The following GPCPD1 variants were observed in gnomAD, a reference collection of about 807,000 sequenced individuals.
GPCPD1 encodes glycerophosphocholine phosphodiesterase 1.
GPCPD1 carries 29 observed loss-of-function variants against 89.2 expected under a neutral mutation model. The observed-to-expected ratio is 0.33, with a 90% CI of 0.24 to 0.44. The LOEUF (loss-of-function observed/expected upper bound fraction) is 0.44. Ranked by LOEUF, GPCPD1 falls within the 20% of genes least tolerant of loss-of-function variation. The pLI is 1.00. For missense variants in GPCPD1, 594 were observed against 808.9 expected (o/e 0.73, Z 3.22); for synonymous variants, 258 against 266.3 (o/e 0.97, Z 0.30).
At chr20:5,572,525 AGTTCAT>A in intron 11 of GPCPD1, among the ~76,000 whole-genome samples, 1 of 152,348 alleles carries the variant, frequency 6.6e-6, no homozygotes, top group South Asian at 2.1e-4. Context: ...AATAGATGTT[AGTTCAT>A]ATAAGTAATA....
chr20:5,602,929 G>A (rs1364885972), intron 2 of GPCPD1, among the ~76,000 whole-genome samples: 1 of 150,552 alleles, frequency 6.6e-6, no homozygotes, highest in Non-Finnish European at 1.5e-5. Context: ...GTTGCAGTGA[G>A]CCGAGATCGC....
intron 6 of GPCPD1, 31 bp downstream of exon 6, chr20:5,584,250 G>A (rs750859227): frequency 9.7e-7 from 1 of 1,035,818 alleles, no homozygotes; most frequent in South Asian, 1.3e-5. Context: ...AATCATTTCA[G>A]TAAACATTTA....
At chr20:5,579,743 A>G (rs1978332980) in intron 7 of GPCPD1, among the ~76,000 whole-genome samples, 1 of 152,252 alleles carries the variant, frequency 6.6e-6, no homozygotes, top group African/African-American at 2.4e-5. Flanking sequence ...GAAAATTTAA[A>G]TAGAAACTAT....
chr20:5,587,883 T>C (rs1979038589), intron 4 of GPCPD1, among the ~76,000 whole-genome samples: 1 of 152,208 alleles, frequency 6.6e-6, no homozygotes, highest in Non-Finnish European at 1.5e-5. Context: ...CCAGGCTAAA[T>C]TCTTTTCTGA....
chr20:5,558,601 G>C, intron 18 of GPCPD1, 83 bp downstream of exon 18: 1 of 791,280 alleles, frequency 1.3e-6, no homozygotes, highest in Non-Finnish European at 2.0e-6. Context: ...AACATTAGAT[G>C]GGTAAAGTAA....
chr20:5,565,028 A>G lies in GPCPD1; in HGVS notation c.1318T>C (p.Ser440Pro), dbSNP rs1179308282. 1 of 1,502,306 alleles carries G rather than the reference A, an allele frequency of 6.7e-7. No individual in the cohort carries two copies. The highest frequency in any genetic ancestry group is 2.3e-5 in the East Asian group (1 of 44,310). 93.1% of individuals were successfully genotyped at this position (1,502,306 alleles called of 1,614,324 possible). A position where few individuals can be genotyped will look rare whatever the true frequency, so the allele number is the denominator to read the frequency against. ...NSFSENQPFP[S>P]LKMVLESLPE... ...CCTCAATAACTTACCATCTTAAGAG[A>G]AGGAAATGGCTGATTTTCTGAAAAG... Residue 440 changes from serine to proline, a missense_variant, in exon 15 of 20, where the codon TCT (serine) becomes CCT (proline). Transcript: ENST00000379019.
intron 1 of GPCPD1, among the ~76,000 whole-genome samples, chr20:5,605,053 T>A (rs1374754519): frequency 3.9e-5 from 6 of 151,916 alleles, no homozygotes; most frequent in Admixed American, 3.9e-4. Context: ...AATTTCAGAG[T>A]CCTTATATAA....
At chr20:5,582,539 AAC>A (rs1164053479) in intron 6 of GPCPD1, among the ~76,000 whole-genome samples, 1 of 152,174 alleles carries the variant, frequency 6.6e-6, no homozygotes. Context: ...AGTCAGTACA[AAC>A]ACAATTCCGC....
chr20:5,548,405 A>G (rs969997046), intron 19 of GPCPD1: 12 of 152,344 alleles, frequency 7.9e-5, no homozygotes, highest in African/African-American at 2.9e-4. Context: ...ACAGCCAGGC[A>G]ACTATGTAAG....
chr20:5,561,425 CAT>C, intron 16 of GPCPD1, 38 bp downstream of exon 16: 1 of 1,091,684 alleles, frequency 9.2e-7, no homozygotes, highest in Non-Finnish European at 1.4e-6. Flanking sequence ...TTTAGATAGG[CAT>C]AGAGAGTATA....
Position 5,566,799 on chromosome 20 carries a change from T to C in GPCPD1, c.1228-27A>G, listed in dbSNP as rs369988804. The C allele has an allele frequency of 2.9e-5, 44 of 1,500,574 alleles. 1 individual carries two copies. The highest frequency in any genetic ancestry group is 3.4e-5 in the South Asian group (3 of 88,694). 93.0% of individuals were successfully genotyped at this position (1,500,574 alleles called of 1,614,324 possible). ...TAGAAAGCACACAAACAAAATGAAA[T>C]CAGAAAGGAAGCCTTAGCTTATGAA... On this transcript the variant is annotated intron_variant, in intron 13 of 19. Coordinates refer to ENST00000379019, the MANE Select transcript of GPCPD1 (RefSeq NM_019593.5).
chr20:5,604,774 T>TATACACAC (rs1555811051), intron 1 of GPCPD1, among the ~76,000 whole-genome samples: 1 of 139,072 alleles, frequency 7.2e-6, no homozygotes, highest in Non-Finnish European at 1.5e-5. Context: ...GCCTCATGTC[T>TATACACAC]ACACACACAC....
At chr20:5,577,471 G>A (rs1237542898) in intron 8 of GPCPD1, among the ~76,000 whole-genome samples, 20 of 140,866 alleles carry the variant, frequency 1.4e-4, no homozygotes, top group African/African-American at 4.6e-4. Flanking sequence ...CTGCGCAACA[G>A]AGCAAGACCC....
intron 6 of GPCPD1, among the ~76,000 whole-genome samples, chr20:5,580,737 A>AG (rs1293912154): frequency 2.4e-4 from 37 of 151,938 alleles, no homozygotes; most frequent in African/African-American, 8.7e-4. Context: ...CAAAAAAAAA[A>AG]AAAAAGAAAA....
chr20:5,591,916 T>C (rs551017356), intron 4 of GPCPD1, among the ~76,000 whole-genome samples: 1 of 152,200 alleles, frequency 6.6e-6, no homozygotes. Flanking sequence ...CACCAACACA[T>C]ACTGTAAACT....
chr20:5,580,248 A>G, intron 6 of GPCPD1, 117 bp from the exon 7 acceptor site: 1 of 551,794 alleles, frequency 1.8e-6, no homozygotes, highest in Non-Finnish European at 3.3e-6. Flanking sequence ...TTTAACCTCC[A>G]AAGGAAATAC....
intron 19 of GPCPD1, among the ~76,000 whole-genome samples, chr20:5,557,004 C>A (rs1202637781): frequency 6.6e-6 from 1 of 152,212 alleles, no homozygotes. Context: ...TATTTGAAAT[C>A]AGTTATTCAA....
In GPCPD1 at chr20:5,552,608, C is replaced by T. The variant is rs74522678; in HGVS notation, c.1830-4758G>A. ...ACAAAAATACACATATAACCATATA[C>T]ATTCAAAAATTTGCTAAAGCCAGTA... On this transcript the variant is annotated intron_variant, in intron 19 of 19. Transcript: ENST00000379019. Among the ~76,000 whole-genome samples, 376 of 152,290 alleles carry T rather than the reference C, an allele frequency of 2.5e-3. 8 individuals carry two copies. The highest frequency in any genetic ancestry group is 0.024 in the East Asian group (126 of 5,188).
At chr20:5,602,713 A>C (rs1283662626) in intron 2 of GPCPD1, among the ~76,000 whole-genome samples, 1 of 152,066 alleles carries the variant, frequency 6.6e-6, no homozygotes, top group Non-Finnish European at 1.5e-5. Flanking sequence ...CACGGTCTGT[A>C]ATCTCACACC....
Sources: gnomAD v4.1 joint callset for allele counts (sites outside exome capture counted in the v4.1 genomes callset) on GRCh38, gnomAD v4.1.1 for gene constraint, MANE v1.5 for transcripts, NCBI Gene and HGNC (gene_info 2026-07-23, HGNC 2026-07-21) for gene names.